The following STIP1 variants were observed in gnomAD, a reference collection of about 807,000 sequenced individuals.
The protein encoded by STIP1 is stress induced phosphoprotein 1.
A neutral mutation model predicts 77.4 loss-of-function variants in STIP1; 16 were observed. The ratio of observed to expected loss-of-function variants is 0.21; its 90% CI spans 0.14 to 0.31. The LOEUF is 0.31. Ranked by LOEUF, STIP1 falls within the 10% of genes least tolerant of loss-of-function variation. The pLI is 1.00. For synonymous variants in STIP1, 258 were observed against 246.6 expected, an observed-to-expected ratio of 1.05 and a Z score of -0.44; for missense variants, 524 against 684.8, an observed-to-expected ratio of 0.77 and a Z score of 2.62.
At position 64,197,984 on chromosome 11, in the gene STIP1, A is replaced by G; in HGVS notation, c.1023+10A>G. ...CAAGAAATGCCAGCAGGTGCGTAGG[A>G]AAAGAATAGGGGTATTTTCTTGTTT... On this transcript the variant is annotated intron_variant, in intron 8 of 13. Coordinates refer to ENST00000305218, the MANE Select transcript of STIP1 (RefSeq NM_006819.3). 6.2e-7 allele frequency: 1 copy of G among 1,609,572 alleles called. No individual in the cohort carries two copies. Among genetic ancestry groups the G allele is most frequent in the South Asian group, 1.1e-5 (1 of 90,406 alleles).
At chr11:64,186,141 C>T, upstream of STIP1, 3 of 1,550,816 alleles carry the variant, frequency 1.9e-6, no homozygotes, top group Non-Finnish European at 1.7e-6. Flanking sequence ...AGTGAGCAGG[C>T]GAGGAAGGGG....
upstream of STIP1, chr11:64,185,571 G>A (rs1565275490): frequency 1.8e-6 from 1 of 545,330 alleles, no homozygotes. Flanking sequence ...GCGAAGGGCT[G>A]GGGCCCTGTG....
Position 64,199,929 on chromosome 11 carries a change from A to G in STIP1, c.1024-11A>G, listed in dbSNP as rs1264966972. On this transcript the variant is annotated splice_polypyrimidine_tract_variant and intron_variant, in intron 8 of 13. Coordinates refer to ENST00000305218, the MANE Select transcript of STIP1 (RefSeq NM_006819.3). The stretch of plus-strand genomic sequence containing the variant: ...CGTTTAAATTATTATTTCAAGAATT[A>G]TGTTTTGTAGGCAGAGAAAATCCTG... 3 of 1,613,832 alleles carry G rather than the reference A, an allele frequency of 1.9e-6. No homozygotes were observed. The highest frequency in any genetic ancestry group is 1.7e-4 in the Middle Eastern group (1 of 6,046).
At chr11:64,198,062 C>CA in intron 8 of STIP1, 88 bp downstream of exon 8, 2 of 1,299,688 alleles carry the variant, frequency 1.5e-6, no homozygotes, top group East Asian at 2.7e-5. Context: ...ATGAACTTGA[C>CA]TTTTTTTTTT....
At chr11:64,186,009 C>T (rs1237690967), upstream of STIP1, 6 of 1,543,064 alleles carry the variant, frequency 3.9e-6, no homozygotes, top group African/African-American at 1.4e-5. Flanking sequence ...TCCTGAGGTG[C>T]GGGGGAGGCA....
At chr11:64,186,150 G>A (rs1192015289), upstream of STIP1, 6 of 1,550,736 alleles carry the variant, frequency 3.9e-6, no homozygotes, top group Non-Finnish European at 4.4e-6. Context: ...GCGAGGAAGG[G>A]GCGGGAGCCG....
intron 13 of STIP1, 173 bp from the exon 14 acceptor site, chr11:64,203,881 G>T: frequency 1.2e-6 from 1 of 842,562 alleles, no homozygotes; most frequent in Non-Finnish European, 1.9e-6. Flanking sequence ...TCAAGAGTAG[G>T]ACTGGCAAGT....
At chr11:64,188,563 A>T (rs1304407494) in intron 1 of STIP1, among the ~76,000 whole-genome samples, 1 of 152,104 alleles carries the variant, frequency 6.6e-6, no homozygotes, top group East Asian at 1.9e-4. Flanking sequence ...TTTTTTGTAG[A>T]GACGGGGCTC....
At chr11:64,194,840 CCT>C (rs1946130791) in intron 4 of STIP1, among the ~76,000 whole-genome samples, 1 of 152,140 alleles carries the variant, frequency 6.6e-6, no homozygotes. Context: ...TCTGTATACA[CCT>C]CTCTCCTGCT....
At chr11:64,189,514 A>C (rs1326554290) in intron 1 of STIP1, among the ~76,000 whole-genome samples, 1 of 152,010 alleles carries the variant, frequency 6.6e-6, no homozygotes, top group Non-Finnish European at 1.5e-5. Flanking sequence ...ATGACAGCGA[A>C]ACTGCATCTC....
chr11:64,195,187 C>T (rs1031264911), intron 4 of STIP1, among the ~76,000 whole-genome samples: 1 of 152,030 alleles, frequency 6.6e-6, no homozygotes, highest in Non-Finnish European at 1.5e-5. Context: ...GATCTCAGTT[C>T]GCTGCAACTT....
At position 64,186,232 on chromosome 11, in the gene STIP1, A is replaced by G; in HGVS notation, c.-30A>G. 1.3e-6 allele frequency: 2 copies of G among 1,537,772 alleles called. No homozygotes were observed. Among genetic ancestry groups the G allele is most frequent in the Non-Finnish European group, 1.8e-6 (2 of 1,139,236 alleles). ...TGGGAACGCGGAGCGGACGGATTCG[A>G]TTCAACGGGGTTCCGGACCGCGCTG... On this transcript the variant is annotated 5_prime_UTR_variant, in exon 1 of 14. Coordinates refer to ENST00000305218, the MANE Select transcript of STIP1 (RefSeq NM_006819.3).
At position 64,197,312 on chromosome 11, in the gene STIP1, G is replaced by A; in HGVS notation, c.714G>A (p.Lys238=). 2 of 1,614,084 alleles carry A rather than the reference G, an allele frequency of 1.2e-6. No homozygotes were observed. Among genetic ancestry groups the A allele is most frequent in the Non-Finnish European group, 1.7e-6 (2 of 1,180,020 alleles). Reference sequence around the variant, plus strand: ...AGCTGGGGAACGATGCCTACAAGAAGAAAGACTTTGACACAGCCTTGAAGC... The same window carrying A: ...AGCTGGGGAACGATGCCTACAAGAAAAAAGACTTTGACACAGCCTTGAAGC... The part of the protein sequence containing the change: ...EKELGNDAYK[K]KDFDTALKHY... The change falls in exon 6 of 14, where the codon AAG becomes AAA. Residue 238 remains lysine, a synonymous_variant. Transcript: ENST00000305218.
chr11:64,195,857 C>T (rs966164412), intron 5 of STIP1, 44 bp downstream of exon 5: 30 of 1,611,494 alleles, frequency 1.9e-5, no homozygotes, highest in Non-Finnish European at 2.5e-5. Flanking sequence ...CTATAAACAA[C>T]TAGAAATCTT....
At chr11:64,188,314 A>G (rs1946050624) in intron 1 of STIP1, among the ~76,000 whole-genome samples, 1 of 150,836 alleles carries the variant, frequency 6.6e-6, no homozygotes, top group East Asian at 1.9e-4. Context: ...ACTGCACTCT[A>G]GCCTGGGTGA....
chr11:64,197,490 C>A lies in STIP1; in HGVS notation c.800-3C>A. 2 of 1,614,106 alleles carry A rather than the reference C, an allele frequency of 1.2e-6. No individual in the cohort carries two copies. Among genetic ancestry groups the A allele is most frequent in the Non-Finnish European group, 1.7e-6 (2 of 1,180,032 alleles). On this transcript the variant is annotated splice_region_variant and splice_polypyrimidine_tract_variant and intron_variant, in intron 6 of 13. Transcript: ENST00000305218. The stretch of plus-strand genomic sequence containing the variant: ...GTTCCTTCTTAACCATCCTGCCTGG[C>A]AGCGGTATACTTTGAAAAGGGCGAC...
intron 10 of STIP1, among the ~76,000 whole-genome samples, chr11:64,201,197 AC>A (rs1184743650): frequency 1.3e-5 from 2 of 151,942 alleles, no homozygotes; most frequent in East Asian, 3.8e-4. Context: ...GCACCACTGT[AC>A]CCAGCTAATT....
At position 64,194,350 on chromosome 11, in the gene STIP1, T is replaced by C. The variant is rs753755858; in HGVS notation, c.361+20T>C. 6.2e-7 allele frequency: 1 copy of C among 1,612,558 alleles called. No homozygotes were observed. The highest frequency in any genetic ancestry group is 1.7e-5 in the Admixed American group (1 of 59,610). ...TGGCAGGTAGGTACCACGCACAGTT[T>C]TCTTTCTTATTATTAATGTGATTAA... On this transcript the variant is annotated intron_variant, in intron 3 of 13. Transcript: ENST00000305218.
At chr11:64,188,364 A>C (rs1404437575) in intron 1 of STIP1, among the ~76,000 whole-genome samples, 2 of 148,860 alleles carry the variant, frequency 1.3e-5, no homozygotes, top group African/African-American at 2.4e-5. Context: ...AAAAAAGAAA[A>C]GAAACGATTT....
Sources: gnomAD v4.1 joint callset for allele counts (sites outside exome capture counted in the v4.1 genomes callset) on GRCh38, gnomAD v4.1.1 for gene constraint, MANE v1.5 for transcripts, NCBI Gene and HGNC (gene_info 2026-07-23, HGNC 2026-07-21) for gene names.